NRG1: variants seen among roughly 807,000 people sequenced by gnomAD.
The protein encoded by NRG1 is neuregulin 1.
A neutral mutation model predicts 63.8 loss-of-function variants in NRG1; 18 were observed. That is an observed-to-expected ratio of 0.28 (90% CI 0.19 to 0.42). NRG1 has a LOEUF of 0.42. Ranked by LOEUF, NRG1 falls within the 10% of genes least tolerant of loss-of-function variation. The pLI is 1.00. For missense variants in NRG1, 762 were observed against 814.7 expected, an observed-to-expected ratio of 0.94 and a Z score of 0.79; for synonymous variants, 302 against 301.3, an observed-to-expected ratio of 1.00 and a Z score of -0.02.
intron 1 of NRG1, among the ~76,000 whole-genome samples, chr8:31,769,930 G>A (rs1350150453): frequency 6.6e-6 from 1 of 152,194 alleles, no homozygotes; most frequent in Non-Finnish European, 1.5e-5. Context: ...TTTATGTCCA[G>A]GGTCAGCAAG....
At chr8:32,436,584 T>G (rs1321276111) in intron 1 of NRG1, among the ~76,000 whole-genome samples, 1 of 152,206 alleles carries the variant, frequency 6.6e-6, no homozygotes, top group Admixed American at 6.6e-5. Flanking sequence ...AAATTAAGCA[T>G]GAGTCCCATC....
At chr8:32,468,374 A>G (rs553450163) in intron 1 of NRG1, among the ~76,000 whole-genome samples, 9 of 152,322 alleles carry the variant, frequency 5.9e-5, no homozygotes, top group African/African-American at 1.9e-4. Flanking sequence ...ATTTCCAGGA[A>G]TAAATCTTAA....
At chr8:32,412,582 T>TTTTGGA (rs1815260538) in intron 1 of NRG1, among the ~76,000 whole-genome samples, 1 of 151,410 alleles carries the variant, frequency 6.6e-6, no homozygotes, top group African/African-American at 2.4e-5. Context: ...CATTAGGCAA[T>TTTTGGA]TTCATGATTT....
At chr8:32,180,950 T>C (rs1285356460) in intron 1 of NRG1, among the ~76,000 whole-genome samples, 1 of 152,310 alleles carries the variant, frequency 6.6e-6, no homozygotes, top group African/African-American at 2.4e-5. Flanking sequence ...TTCTATTCTC[T>C]GCTTCTATGA....
At chr8:32,608,092 G>GTTTTTTTTTTTTTTTTTTTTTTTT (rs1226154193) in intron 3 of NRG1, among the ~76,000 whole-genome samples, 2 of 106,158 alleles carry the variant, frequency 1.9e-5, no homozygotes, top group African/African-American at 3.4e-5. Context: ...GGTTTTTTTT[G>GTTTTTTTTTTTTTTTTTTTTTTTT]TTTTTTTTTT....
chr8:32,723,157 T>A (rs1429930295), intron 5 of NRG1, among the ~76,000 whole-genome samples: 1 of 12,494 alleles, frequency 8.0e-5, no homozygotes, highest in Non-Finnish European at 5.3e-4. Flanking sequence ...CCCTTTGGTA[T>A]CCATTTTTGC....
At position 31,640,369 on chromosome 8, in the gene NRG1, G is replaced by T. The variant is rs532196697; in HGVS notation, c.37+938G>T. 3.9e-6 allele frequency: 5 copies of T among 1,266,084 alleles called. No homozygotes were observed. Among genetic ancestry groups the T allele is most frequent in the Non-Finnish European group, 5.0e-6 (5 of 1,004,614 alleles). 78.4% of individuals were successfully genotyped at this position (1,266,084 alleles called of 1,614,324 possible). ...GGGCCCACGGGCGCTGGGGCCGCCC[G>T]CCGAGGAGCCGCTGCTCGCCGCCAA... On this transcript the variant is annotated intron_variant, in intron 1 of 10. Coordinates refer to the NRG1 transcript ENST00000519301. The surrounding 1 kb of genome is among the most constrained non-coding windows in gnomAD (Gnocchi z 6.3).
At chr8:32,092,858 T>A (rs565993542) in intron 1 of NRG1, among the ~76,000 whole-genome samples, 1 of 152,086 alleles carries the variant, frequency 6.6e-6, no homozygotes, top group Admixed American at 6.5e-5. Flanking sequence ...GGAGTGAGGA[T>A]CTTTAGGCGA....
At chr8:32,177,986 G>A (rs10107049) in intron 1 of NRG1, among the ~76,000 whole-genome samples, 67,765 of 151,724 alleles carry the variant, frequency 0.45, 16,929 homozygotes, top group Admixed American at 0.57. Flanking sequence ...GTTGAAGGAG[G>A]AGGGCTCTCT....
At chr8:32,123,596 T>A (rs999467694) in intron 1 of NRG1, among the ~76,000 whole-genome samples, 3 of 148,548 alleles carry the variant, frequency 2.0e-5, no homozygotes, top group Non-Finnish European at 3.0e-5. Flanking sequence ...TATTATATAC[T>A]TATATATAAT....
At chr8:32,067,953 T>G (rs1202237688) in intron 1 of NRG1, among the ~76,000 whole-genome samples, 1 of 152,192 alleles carries the variant, frequency 6.6e-6, no homozygotes, top group Non-Finnish European at 1.5e-5. Context: ...GTTAGCATCC[T>G]TTTTCAATGC....
chr8:32,603,906 C>G (rs143986992), intron 2 of NRG1, among the ~76,000 whole-genome samples: 5 of 152,198 alleles, frequency 3.3e-5, no homozygotes, highest in Non-Finnish European at 7.3e-5. Flanking sequence ...ATATTAGGTT[C>G]TGCTGAGTAC....
At chr8:31,772,310 G>C (rs953000451) in intron 1 of NRG1, among the ~76,000 whole-genome samples, 1 of 151,984 alleles carries the variant, frequency 6.6e-6, no homozygotes, top group African/African-American at 2.4e-5. Context: ...TGTTCATCCT[G>C]CCTCTCCCAC....
intron 1 of NRG1, among the ~76,000 whole-genome samples, chr8:32,437,933 A>T (rs964953544): frequency 1.3e-5 from 2 of 152,204 alleles, no homozygotes; most frequent in African/African-American, 4.8e-5. Context: ...TAACTTAATA[A>T]ATTTTAAAAC....
intron 1 of NRG1, among the ~76,000 whole-genome samples, chr8:32,158,306 T>C (rs983925954): frequency 1.3e-5 from 2 of 151,652 alleles, no homozygotes; most frequent in African/African-American, 4.8e-5. Flanking sequence ...CTTATCCGTC[T>C]GGGGTGCCAT....
intron 1 of NRG1, among the ~76,000 whole-genome samples, chr8:31,870,163 A>G (rs1417274905): frequency 6.6e-6 from 1 of 152,150 alleles, no homozygotes; most frequent in South Asian, 2.1e-4. Flanking sequence ...TGGGAAACTT[A>G]TCAGACACAC....
Position 32,698,778 on chromosome 8 carries a change from A to G in NRG1, c.503-29171A>G, listed in dbSNP as rs567299065. ...TCTAGTCTTTCTTTTGGGATCAAATATATCATGAAATTGAAACAATAAAAC... is the reference window on the plus strand; with the variant it reads ...TCTAGTCTTTCTTTTGGGATCAAATGTATCATGAAATTGAAACAATAAAAC... On this transcript the variant is annotated intron_variant, in intron 5 of 11. Transcript: ENST00000356819. 8.5e-5 allele frequency among the ~76,000 whole-genome samples: 13 copies of G among 152,320 alleles called. 1 individual carries two copies. The South Asian group carries it at 2.7e-3, about 32-fold the overall frequency.
chr8:32,006,898 G>A (rs1301101774), intron 1 of NRG1, among the ~76,000 whole-genome samples: 1 of 151,990 alleles, frequency 6.6e-6, no homozygotes, highest in African/African-American at 2.4e-5. Context: ...ATAATACATG[G>A]GTGTTGTTTT....
At chr8:32,482,170 T>C (rs1467517054) in intron 1 of NRG1, among the ~76,000 whole-genome samples, 6 of 152,040 alleles carry the variant, frequency 3.9e-5, no homozygotes. Flanking sequence ...ATTAGTGATA[T>C]GCATAATCGT....
Sources: allele counts gnomAD v4.1 joint callset (sites outside exome capture counted in the v4.1 genomes callset), GRCh38; gene constraint gnomAD v4.1.1; non-coding constraint Gnocchi (gnomAD v3.1); transcripts MANE v1.5; gene names NCBI Gene and HGNC (gene_info 2026-07-23, HGNC 2026-07-21).